Variants in PDSS2 observed in about 807,000 individuals in gnomAD.
PDSS2 encodes the protein decaprenyl diphosphate synthase subunit 2, also known as all trans-polyprenyl-diphosphate synthase PDSS2.
Under a neutral mutation model 44.5 loss-of-function variants are expected in PDSS2, and 31 were observed. The observed-to-expected ratio is 0.70, with a 90% CI of 0.52 to 0.94. PDSS2 has a LOEUF of 0.94. PDSS2 is among the 40% of genes least tolerant of loss of function. The pLI, the probability that PDSS2 is intolerant of heterozygous loss-of-function variation, is 0.00. For synonymous variants in PDSS2, 157 were observed against 180.3 expected (o/e 0.87, Z 1.03); for missense variants, 452 against 482.2 (o/e 0.94, Z 0.59).
rs79844071 is a variant in PDSS2, at chr6:107,356,004, A to C, written c.297-21672T>G. Among the ~76,000 whole-genome samples, 1,020 of 152,344 alleles carry C rather than the reference A, an allele frequency of 6.7e-3. 6 individuals are homozygous for C. Among genetic ancestry groups the C allele is most frequent in the Non-Finnish European group, 9.1e-3 (618 of 68,036 alleles). On this transcript the variant is annotated intron_variant, in intron 1 of 7. Transcript: ENST00000369037. ...TACAGGACACACAATTCAGTGTTAG[A>C]TTTCCTCTTCATTATAGAGAGGCAC...
chr6:107,456,112 G>C (rs1230654664), intron 1 of PDSS2, among the ~76,000 whole-genome samples: 1 of 152,164 alleles, frequency 6.6e-6, no homozygotes, highest in African/African-American at 2.4e-5. Flanking sequence ...CACGAGGTCA[G>C]GAGTTCAAGA....
Position 107,450,624 on chromosome 6 carries a change from CA to C in PDSS2, c.296+8365del, listed in dbSNP as rs1781834306. 2.0e-5 allele frequency among the ~76,000 whole-genome samples: 3 copies of C among 152,148 alleles called. No homozygotes were observed. The South Asian group carries it at 6.2e-4, about 31-fold the overall frequency. On this transcript the variant is annotated intron_variant, in intron 1 of 7. Coordinates refer to ENST00000369037, the MANE Select transcript of PDSS2 (RefSeq NM_020381.4). ...CTGTGGAATGAAAATGGCATTAATA[CA>C]AGAAACTTAACTGCAAAGGAGAAAT...
intron 2 of PDSS2, among the ~76,000 whole-genome samples, chr6:107,287,538 T>C (rs1355280718): frequency 6.6e-6 from 1 of 152,196 alleles, no homozygotes; most frequent in African/African-American, 2.4e-5. Context: ...TTTATTTTTT[T>C]TGAGATGGAG....
chr6:107,409,897 A>T (rs1326495263), intron 1 of PDSS2, among the ~76,000 whole-genome samples: 1 of 152,210 alleles, frequency 6.6e-6, no homozygotes, highest in Non-Finnish European at 1.5e-5. Context: ...ATGTACGTGA[A>T]AGGAAAATAT....
chr6:107,291,352 T>A (rs1022166108), intron 2 of PDSS2, among the ~76,000 whole-genome samples: 2 of 145,284 alleles, frequency 1.4e-5, no homozygotes, highest in African/African-American at 5.2e-5. Flanking sequence ...TTTATAATTT[T>A]TTTTTTTTTT....
chr6:107,369,602 CTT>C (rs1779069719), intron 1 of PDSS2, among the ~76,000 whole-genome samples: 1 of 152,130 alleles, frequency 6.6e-6, no homozygotes, highest in South Asian at 2.1e-4. Context: ...ACAGAGAATT[CTT>C]TGTTGTAAAG....
chr6:107,162,589 T>C (rs1771182044), intron 7 of PDSS2, among the ~76,000 whole-genome samples: 1 of 148,506 alleles, frequency 6.7e-6, no homozygotes, highest in Non-Finnish European at 1.5e-5. Flanking sequence ...TTTTTCTTTT[T>C]ATTTTGTCAA....
At chr6:107,271,175 A>G (rs1306680096) in intron 3 of PDSS2, among the ~76,000 whole-genome samples, 1 of 152,210 alleles carries the variant, frequency 6.6e-6, no homozygotes, top group Non-Finnish European at 1.5e-5. Flanking sequence ...AGATACCACT[A>G]TGGCCTCCAC....
At chr6:107,156,429 T>C (rs951219198) in intron 7 of PDSS2, among the ~76,000 whole-genome samples, 2 of 151,566 alleles carry the variant, frequency 1.3e-5, no homozygotes, top group Non-Finnish European at 3.0e-5. Flanking sequence ...CTCCTGACCT[T>C]GTGATCCGCC....
intron 3 of PDSS2, among the ~76,000 whole-genome samples, chr6:107,268,211 C>T (rs1293666236): frequency 6.6e-6 from 1 of 152,066 alleles, no homozygotes; most frequent in African/African-American, 2.4e-5. Context: ...TTCTGGTCAA[C>T]AGGATGTAAG....
At chr6:107,421,792 GATAAAATTTC>G (rs1310732558) in intron 1 of PDSS2, among the ~76,000 whole-genome samples, 2 of 135,972 alleles carry the variant, frequency 1.5e-5, no homozygotes, top group African/African-American at 5.5e-5. Flanking sequence ...CTATATACGT[GATAAAATTTC>G]ACAGAACACA....
chr6:107,241,776 G>T (rs1182400719), intron 4 of PDSS2, among the ~76,000 whole-genome samples: 4 of 152,096 alleles, frequency 2.6e-5, no homozygotes, highest in Non-Finnish European at 5.9e-5. Context: ...TACTACCCAG[G>T]ATCTTCACCA....
intron 1 of PDSS2, among the ~76,000 whole-genome samples, chr6:107,398,554 C>T (rs1780015541): frequency 6.6e-6 from 1 of 152,106 alleles, no homozygotes; most frequent in Admixed American, 6.6e-5. Context: ...GTCTTGAAAT[C>T]AAAAAGTTTG....
At chr6:107,281,522 C>G (rs1372355678) in intron 2 of PDSS2, among the ~76,000 whole-genome samples, 5 of 152,200 alleles carry the variant, frequency 3.3e-5, no homozygotes, top group Non-Finnish European at 5.9e-5. Context: ...CATTATCTCT[C>G]AGAGACAGTC....
chr6:107,179,605 CG>C (rs1313463328), intron 7 of PDSS2, among the ~76,000 whole-genome samples: 1 of 151,978 alleles, frequency 6.6e-6, no homozygotes, highest in Non-Finnish European at 1.5e-5. Context: ...GTCAAGGACT[CG>C]GGGGAAAAGG....
intron 2 of PDSS2, among the ~76,000 whole-genome samples, chr6:107,277,904 T>G (rs1775838957): frequency 6.6e-6 from 1 of 151,772 alleles, no homozygotes; most frequent in Admixed American, 6.6e-5. Context: ...AGGTTGCAGT[T>G]AGCTGAGATT....
At chr6:107,361,717 G>A (rs1483941124) in intron 1 of PDSS2, among the ~76,000 whole-genome samples, 1 of 152,192 alleles carries the variant, frequency 6.6e-6, no homozygotes, top group Non-Finnish European at 1.5e-5. Context: ...ATGATGGAAT[G>A]AGGTGGTTGA....
At chr6:107,176,429 TACACACACACACAC>T in intron 7 of PDSS2, among the ~76,000 whole-genome samples, 1 of 149,802 alleles carries the variant, frequency 6.7e-6, no homozygotes, top group East Asian at 2.0e-4. Context: ...CACACACACA[TACACACACACACAC>T]ACACACACAC....
intron 1 of PDSS2, among the ~76,000 whole-genome samples, chr6:107,439,380 C>CT: frequency 6.6e-6 from 1 of 152,318 alleles, no homozygotes; most frequent in African/African-American, 2.4e-5. Flanking sequence ...GCATTTAACT[C>CT]TAAATTCCAG....
Sources: allele counts gnomAD v4.1 joint callset (sites outside exome capture counted in the v4.1 genomes callset), GRCh38; gene constraint gnomAD v4.1.1; transcripts MANE v1.5; gene names NCBI Gene and HGNC (gene_info 2026-07-23, HGNC 2026-07-21).